MAML3: variants seen among roughly 807,000 people sequenced by gnomAD.
MAML3 encodes the protein mastermind like transcriptional coactivator 3, also known as mastermind-like protein 3.
MAML3 carries 27 observed loss-of-function variants against 101.9 expected under a neutral mutation model. The ratio of observed to expected loss-of-function variants is 0.27; its 90% CI spans 0.20 to 0.37. MAML3 has a LOEUF of 0.37. MAML3 is among the 10% of genes least tolerant of loss of function. The pLI is 1.00. For missense variants in MAML3, 1,316 were observed against 1,444.9 expected (o/e 0.91, Z 1.45); for synonymous variants, 501 against 555.9 (o/e 0.90, Z 1.39).
At chr4:139,835,168 G>A (rs1002245017) in intron 2 of MAML3, among the ~76,000 whole-genome samples, 7 of 152,206 alleles carry the variant, frequency 4.6e-5, no homozygotes, top group African/African-American at 1.7e-4. Flanking sequence ...CTAAGAGCAG[G>A]GGCTGAAGAG....
chr4:140,094,939 G>T (rs1728131186), intron 1 of MAML3, among the ~76,000 whole-genome samples: 1 of 152,214 alleles, frequency 6.6e-6, no homozygotes, highest in African/African-American at 2.4e-5. Flanking sequence ...GCTGTGCGTG[G>T]CAGCCCAGTG....
intron 2 of MAML3, among the ~76,000 whole-genome samples, chr4:139,805,631 T>G (rs1730686503): frequency 6.6e-6 from 1 of 152,216 alleles, no homozygotes; most frequent in Admixed American, 6.5e-5. Flanking sequence ...TATTCCTGAA[T>G]GAAGAGACTG....
chr4:140,142,873 T>C (rs1474451414), intron 1 of MAML3, among the ~76,000 whole-genome samples: 2 of 152,192 alleles, frequency 1.3e-5, no homozygotes, highest in African/African-American at 2.4e-5. Flanking sequence ...GCCATGATCA[T>C]GATGCTACAA....
In MAML3 at chr4:139,889,815, T is replaced by C. The variant is rs748276776; in HGVS notation, c.1621A>G (p.Met541Val). The change falls in exon 2 of 5, where the codon ATG (methionine) becomes GTG (valine). Residue 541 changes from methionine to valine, a missense_variant. Coordinates refer to ENST00000509479, the MANE Select transcript of MAML3 (RefSeq NM_018717.5). ...AFTAEKPNSPMMYPQAFNNQN... is the reference protein window; with the variant it reads ...AFTAEKPNSPVMYPQAFNNQN... ...TTGTTAAAGGCTTGGGGGTACATCA[T>C]TGGGCTATTTGGTTTTTCTGCAGTA... is the stretch of plus-strand genomic sequence containing the variant. The C allele has an allele frequency of 2.1e-5, 34 of 1,613,870 alleles. No homozygotes were observed. Among genetic ancestry groups the C allele is most frequent in the Non-Finnish European group, 7.6e-6 (9 of 1,179,910 alleles).
intron 2 of MAML3, among the ~76,000 whole-genome samples, chr4:139,855,410 G>A (rs556297511): frequency 5.3e-4 from 80 of 152,298 alleles, no homozygotes; most frequent in Non-Finnish European, 9.7e-4. Flanking sequence ...TGGCTTCAGG[G>A]ATGTTTTACA....
intron 1 of MAML3, among the ~76,000 whole-genome samples, chr4:140,064,393 C>G (rs184060983): frequency 6.6e-6 from 1 of 152,242 alleles, no homozygotes; most frequent in Admixed American, 6.5e-5. Flanking sequence ...AAGCCTTTTG[C>G]GTTTTGATAA....
At chr4:139,986,373 A>C (rs1395727989) in intron 1 of MAML3, among the ~76,000 whole-genome samples, 1 of 152,228 alleles carries the variant, frequency 6.6e-6, no homozygotes, top group African/African-American at 2.4e-5. Flanking sequence ...AAAGCCGAGA[A>C]AATGGTGTAG....
chr4:140,033,162 T>C (rs1726934195), intron 1 of MAML3, among the ~76,000 whole-genome samples: 1 of 152,254 alleles, frequency 6.6e-6, no homozygotes, highest in South Asian at 2.1e-4. Context: ...GAAGCACTTA[T>C]TGAACACATC....
At chr4:139,857,830 A>C (rs1426556979) in intron 2 of MAML3, among the ~76,000 whole-genome samples, 1 of 152,194 alleles carries the variant, frequency 6.6e-6, no homozygotes, top group Non-Finnish European at 1.5e-5. Flanking sequence ...GGCAAAACAG[A>C]CCCAGTTCTT....
At chr4:139,854,865 G>T (rs1578632131) in intron 2 of MAML3, among the ~76,000 whole-genome samples, 1 of 113,572 alleles carries the variant, frequency 8.8e-6, no homozygotes, top group African/African-American at 2.6e-5. Flanking sequence ...ATATCCTGCT[G>T]TGCTGATGGC....
chr4:140,104,682 G>C (rs1003005454), intron 1 of MAML3, among the ~76,000 whole-genome samples: 1 of 150,786 alleles, frequency 6.6e-6, no homozygotes, highest in African/African-American at 2.4e-5. Context: ...TTGTGGAGAT[G>C]AGGTTTCGCC....
At chr4:139,986,182 C>A (rs963754590) in intron 1 of MAML3, among the ~76,000 whole-genome samples, 1 of 152,182 alleles carries the variant, frequency 6.6e-6, no homozygotes, top group African/African-American at 2.4e-5. Flanking sequence ...TCGTTGTGGA[C>A]AGGGTCATCC....
chr4:140,034,432 T>C (rs988740927), intron 1 of MAML3, among the ~76,000 whole-genome samples: 4 of 152,168 alleles, frequency 2.6e-5, no homozygotes, highest in Non-Finnish European at 4.4e-5. Flanking sequence ...TTGGAAGACA[T>C]ATGGTATGAG....
intron 2 of MAML3, among the ~76,000 whole-genome samples, chr4:139,739,559 T>A (rs992078430): frequency 5.3e-5 from 8 of 152,134 alleles, no homozygotes; most frequent in African/African-American, 1.7e-4. Context: ...ATTAAATAAA[T>A]TATGGTACAT....
At chr4:139,990,495 C>T (rs1408090067) in intron 1 of MAML3, among the ~76,000 whole-genome samples, 1 of 133,154 alleles carries the variant, frequency 7.5e-6, no homozygotes, top group Non-Finnish European at 1.6e-5. Context: ...TGGCACAAGA[C>T]AGGGATGCCC....
chr4:139,944,328 C>T (rs1354961027), intron 1 of MAML3, among the ~76,000 whole-genome samples: 2 of 152,112 alleles, frequency 1.3e-5, no homozygotes, highest in African/African-American at 2.4e-5. Context: ...ATCCCTCCCC[C>T]TTCCCCCCAT....
chr4:139,849,889 G>C (rs1468349806), intron 2 of MAML3, among the ~76,000 whole-genome samples: 3 of 152,094 alleles, frequency 2.0e-5, no homozygotes, highest in Admixed American at 6.6e-5. Flanking sequence ...TACATTTATA[G>C]GAGTTACAGA....
At chr4:139,791,120 T>TA (rs1730401570) in intron 2 of MAML3, among the ~76,000 whole-genome samples, 1 of 152,266 alleles carries the variant, frequency 6.6e-6, no homozygotes, top group Non-Finnish European at 1.5e-5. Flanking sequence ...TACTGAACTT[T>TA]AAAAGTTTTA....
At chr4:140,055,178 T>C (rs1397660392) in intron 1 of MAML3, among the ~76,000 whole-genome samples, 1 of 152,140 alleles carries the variant, frequency 6.6e-6, no homozygotes, top group African/African-American at 2.4e-5. Context: ...AATATCTCAT[T>C]TATTTCTTAA....
Sources: allele counts gnomAD v4.1 joint callset (sites outside exome capture counted in the v4.1 genomes callset), GRCh38; gene constraint gnomAD v4.1.1; transcripts MANE v1.5; gene names NCBI Gene and HGNC (gene_info 2026-07-23, HGNC 2026-07-21).